The following CADM1 variants were observed in gnomAD, a reference collection of about 807,000 sequenced individuals.
CADM1 encodes the protein TSLC-1.
CADM1 carries 15 observed loss-of-function variants against 53.1 expected under a neutral mutation model. The ratio of observed to expected loss-of-function variants is 0.28; its 90% CI spans 0.19 to 0.44. The LOEUF is 0.44. Among genes scored for constraint, CADM1 ranks in the 20% least tolerant of loss-of-function variants. CADM1 has a pLI of 1.00. For synonymous variants in CADM1, 281 were observed against 243.0 expected (o/e 1.16, Z -1.45); for missense variants, 434 against 611.3 (o/e 0.71, Z 3.06).
chr11:115,311,175 CGAAAT>C (rs1272183434), intron 1 of CADM1, among the ~76,000 whole-genome samples: 1 of 151,934 alleles, frequency 6.6e-6, no homozygotes, highest in Non-Finnish European at 1.5e-5. Flanking sequence ...CGATTTCTGT[CGAAAT>C]GAACTATTTA....
intron 1 of CADM1, among the ~76,000 whole-genome samples, chr11:115,413,684 G>A (rs111250741): frequency 6.0e-5 from 8 of 134,042 alleles, no homozygotes; most frequent in East Asian, 2.1e-4. Flanking sequence ...TTGCTCTGTC[G>A]CCCAGGCTGG....
chr11:115,315,256 A>T (rs1167264076), intron 1 of CADM1, among the ~76,000 whole-genome samples: 1 of 152,182 alleles, frequency 6.6e-6, no homozygotes, highest in Non-Finnish European at 1.5e-5. Context: ...CAAACCTATT[A>T]AACAGTACAA....
At chr11:115,372,548 A>G (rs925377602) in intron 1 of CADM1, among the ~76,000 whole-genome samples, 1 of 152,160 alleles carries the variant, frequency 6.6e-6, no homozygotes, top group African/African-American at 2.4e-5. Flanking sequence ...CATTGATAAA[A>G]ATGTGAAAGT....
intron 1 of CADM1, among the ~76,000 whole-genome samples, chr11:115,384,486 A>T (rs1478268099): frequency 6.6e-6 from 1 of 152,210 alleles, no homozygotes; most frequent in Non-Finnish European, 1.5e-5. Flanking sequence ...CTGTTATCAC[A>T]GAAAACCACA....
chr11:115,362,236 A>G (rs1946048223), intron 1 of CADM1, among the ~76,000 whole-genome samples: 1 of 152,198 alleles, frequency 6.6e-6, no homozygotes, highest in African/African-American at 2.4e-5. Context: ...TTGCCTAAGA[A>G]GCACTTAGTA....
intron 1 of CADM1, among the ~76,000 whole-genome samples, chr11:115,429,632 C>T (rs1947990987): frequency 6.6e-6 from 1 of 151,320 alleles, no homozygotes; most frequent in African/African-American, 2.4e-5. Context: ...ATTTAAGTAA[C>T]ATTGAAATCA....
intron 1 of CADM1, among the ~76,000 whole-genome samples, chr11:115,341,062 C>A (rs1265382917): frequency 3.3e-5 from 5 of 152,072 alleles, no homozygotes; most frequent in African/African-American, 1.2e-4. Flanking sequence ...TACTTAAGAA[C>A]TGATGACATC....
intron 1 of CADM1, among the ~76,000 whole-genome samples, chr11:115,418,286 C>T (rs1947659753): frequency 6.6e-6 from 1 of 152,114 alleles, no homozygotes; most frequent in African/African-American, 2.4e-5. Flanking sequence ...GGGAGTGGAA[C>T]ACGCAAGTGG....
intron 1 of CADM1, among the ~76,000 whole-genome samples, chr11:115,400,052 A>T (rs1947097908): frequency 6.6e-6 from 1 of 152,214 alleles, no homozygotes. Flanking sequence ...AATAAATGAC[A>T]TATCAACAAA....
At chr11:115,499,934 T>C (rs1318391006) in intron 1 of CADM1, among the ~76,000 whole-genome samples, 2 of 152,206 alleles carry the variant, frequency 1.3e-5, no homozygotes, top group African/African-American at 4.8e-5. Context: ...TGCATATATA[T>C]GTATATATAA....
intron 1 of CADM1, among the ~76,000 whole-genome samples, chr11:115,249,736 CTG>C (rs1942529768): frequency 6.6e-6 from 1 of 152,122 alleles, no homozygotes; most frequent in South Asian, 2.1e-4. Context: ...AGCTCTTACT[CTG>C]TAAAAAATAT....
intron 1 of CADM1, among the ~76,000 whole-genome samples, chr11:115,327,588 G>A (rs1944993205): frequency 6.6e-6 from 1 of 151,950 alleles, no homozygotes; most frequent in Non-Finnish European, 1.5e-5. Flanking sequence ...AACCAGCTGG[G>A]TTATTCTGTC....
chr11:115,207,278 A>G (rs1160299784), intron 8 of CADM1: 2 of 152,204 alleles, frequency 1.3e-5, no homozygotes, highest in Non-Finnish European at 2.9e-5. Flanking sequence ...GCTAAAGTGC[A>G]TCTATGAGAT....
intron 6 of CADM1, among the ~76,000 whole-genome samples, chr11:115,217,683 A>C (rs937342956): frequency 1.3e-5 from 2 of 152,212 alleles, no homozygotes; most frequent in African/African-American, 4.8e-5. Context: ...TTTCAATCTT[A>C]GCGGGCATTT....
At position 115,174,531 on chromosome 11, in the gene CADM1, C is replaced by T; in HGVS notation, c.*1943G>A. 2 of 985,670 alleles carry T rather than the reference C, an allele frequency of 2.0e-6. No individual in the cohort carries two copies. The highest frequency in any genetic ancestry group is 2.4e-6 in the Non-Finnish European group (2 of 829,876). 61.1% of individuals were successfully genotyped at this position (985,670 alleles called of 1,614,324 possible). On this transcript the variant is annotated 3_prime_UTR_variant, in exon 12 of 12. Coordinates refer to ENST00000331581, the MANE Select transcript of CADM1 (RefSeq NM_001301043.2). ...CTGCTCGATAATGGATTTTCTTTTA[C>T]ATACCAGTCCGTTCCCAAAAGGCCC...
rs191182105 is a variant in CADM1, at chr11:115,494,688, A to C, written c.124+9583T>G. On this transcript the variant is annotated intron_variant, in intron 1 of 11. Coordinates refer to ENST00000331581, the MANE Select transcript of CADM1 (RefSeq NM_001301043.2). ...TATTCCCTAATGTGGAAGACTTACA[A>C]AAGTTATTATTATTAGCAGTAGCCA... Among the ~76,000 whole-genome samples the C allele has an allele frequency of 1.1e-4, 16 of 152,288 alleles. No homozygotes were observed. The East Asian group carries it at 2.9e-3, about 28-fold the overall frequency.
rs143116232 is a variant in CADM1, at chr11:115,186,281, G to A, written c.1165+4607C>T. On this transcript the variant is annotated intron_variant, in intron 10 of 11. Coordinates refer to ENST00000331581, the MANE Select transcript of CADM1 (RefSeq NM_001301043.2). Reference sequence around the variant, plus strand: ...ATCCCATAATTTAGGGGAATCAGTGGGACAACAGTACTAAACTACTGAAGC... The same window carrying A: ...ATCCCATAATTTAGGGGAATCAGTGAGACAACAGTACTAAACTACTGAAGC... Among the ~76,000 whole-genome samples, 1,068 of 152,254 alleles carry A rather than the reference G, an allele frequency of 7.0e-3. 8 individuals are homozygous for A. Among genetic ancestry groups the A allele is most frequent in the Non-Finnish European group, 9.0e-3 (613 of 68,024 alleles).
chr11:115,324,003 T>C (rs1944893050), intron 1 of CADM1, among the ~76,000 whole-genome samples: 1 of 146,862 alleles, frequency 6.8e-6, no homozygotes, highest in Non-Finnish European at 1.5e-5. Context: ...CCAGAAGGAG[T>C]TCAGGAGAGG....
chr11:115,190,607 T>C (rs1012521338), intron 10 of CADM1: 6 of 385,880 alleles, frequency 1.6e-5, no homozygotes, highest in African/African-American at 4.0e-5. Flanking sequence ...TAAACATTAT[T>C]TGAAGCCACT....
Sources: allele counts gnomAD v4.1 joint callset (sites outside exome capture counted in the v4.1 genomes callset), GRCh38; gene constraint gnomAD v4.1.1; transcripts MANE v1.5; gene names NCBI Gene and HGNC (gene_info 2026-07-23, HGNC 2026-07-21).